The following ADGRB3 variants were observed in gnomAD, a reference collection of about 807,000 sequenced individuals.
ADGRB3 encodes the protein adhesion G protein-coupled receptor B3.
In ADGRB3, 37 loss-of-function variants were observed where a neutral mutation model predicts 193.4. The ratio of observed to expected loss-of-function variants is 0.19; its 90% confidence interval spans 0.15 to 0.25. ADGRB3 has a LOEUF of 0.25. Ranked by LOEUF, ADGRB3 falls within the 10% of genes least tolerant of loss-of-function variation. The probability of loss-of-function intolerance (pLI) is 1.00; values close to 1 mark genes in which losing one functional copy is unlikely to be tolerated. For missense variants in ADGRB3, 1,637 were observed against 1,852.9 expected (o/e 0.88, Z 2.14); for synonymous variants, 690 against 644.2 (o/e 1.07, Z -1.08).
At chr6:69,007,832 G>A (rs999491664) in intron 11 of ADGRB3, among the ~76,000 whole-genome samples, 1 of 151,958 alleles carries the variant, frequency 6.6e-6, no homozygotes, top group African/African-American at 2.4e-5. Context: ...TGGTTAATTG[G>A]TAACGAATAA....
At chr6:69,263,076 G>T (rs1222081901) in intron 20 of ADGRB3, among the ~76,000 whole-genome samples, 2 of 152,064 alleles carry the variant, frequency 1.3e-5, no homozygotes, top group East Asian at 3.9e-4. Context: ...TTACCTGTAG[G>T]TATAATTTAT....
chr6:69,240,618 TA>T (rs1330794929), intron 20 of ADGRB3, among the ~76,000 whole-genome samples: 1 of 150,480 alleles, frequency 6.6e-6, no homozygotes, highest in Non-Finnish European at 1.5e-5. Context: ...ACCAACAGAA[TA>T]AAAAATGAGG....
At chr6:68,996,963 A>G (rs1326283625) in intron 11 of ADGRB3, among the ~76,000 whole-genome samples, 2 of 152,194 alleles carry the variant, frequency 1.3e-5, no homozygotes, top group Admixed American at 6.5e-5. Flanking sequence ...TCCTTTTTCC[A>G]GTAGAAAATG....
chr6:69,137,699 AG>A lies in ADGRB3; in HGVS notation c.2480+61663del, dbSNP rs1254012447. ...GTAGTCCCAGCTACTCGAGAGGCTG[AG>A]GTAGGAGAATCACTTGAACCCGGGA... On this transcript the variant is annotated intron_variant, in intron 17 of 31. Coordinates refer to ENST00000370598, the MANE Select transcript of ADGRB3 (RefSeq NM_001704.3). Among the ~76,000 whole-genome samples the A allele has an allele frequency of 2.0e-5, 3 of 152,254 alleles. No homozygotes were observed. In the East Asian group the frequency reaches 5.8e-4, roughly 29 times the overall value.
chr6:69,184,330 T>C (rs1055434488), intron 17 of ADGRB3, among the ~76,000 whole-genome samples: 2 of 152,134 alleles, frequency 1.3e-5, no homozygotes, highest in Non-Finnish European at 2.9e-5. Context: ...TTTTCTCATA[T>C]GACTTGAGAA....
chr6:69,377,528 A>C (rs114490747), intron 30 of ADGRB3, among the ~76,000 whole-genome samples: 2,644 of 152,148 alleles, frequency 0.017, 32 homozygotes, highest in Non-Finnish European at 0.026. Flanking sequence ...AAAGAAGAAG[A>C]ACCACAGGTT....
At chr6:68,658,549 A>G in intron 3 of ADGRB3, among the ~76,000 whole-genome samples, 1 of 151,212 alleles carries the variant, frequency 6.6e-6, no homozygotes, top group East Asian at 1.9e-4. Flanking sequence ...CATCTCTCCC[A>G]GGAAACCTCC....
At chr6:68,709,235 G>A (rs565844891) in intron 3 of ADGRB3, among the ~76,000 whole-genome samples, 5 of 152,216 alleles carry the variant, frequency 3.3e-5, no homozygotes, top group South Asian at 2.1e-4. Flanking sequence ...ATTTAATAGC[G>A]AATAGCTTTT....
intron 20 of ADGRB3, among the ~76,000 whole-genome samples, chr6:69,259,831 T>G (rs1236082879): frequency 6.6e-6 from 1 of 152,094 alleles, no homozygotes; most frequent in Non-Finnish European, 1.5e-5. Flanking sequence ...ATAAAGACAT[T>G]GGATATATCA....
At chr6:69,142,658 T>A (rs1279817766) in intron 17 of ADGRB3, among the ~76,000 whole-genome samples, 1 of 152,184 alleles carries the variant, frequency 6.6e-6, no homozygotes, top group Non-Finnish European at 1.5e-5. Flanking sequence ...ATCCTTTTAA[T>A]ACATGGGCAA....
chr6:69,323,298 C>A (rs1465059747), intron 20 of ADGRB3, among the ~76,000 whole-genome samples: 1 of 151,868 alleles, frequency 6.6e-6, no homozygotes, highest in Non-Finnish European at 1.5e-5. Context: ...CTTTGGATAG[C>A]AAGTGGAAGA....
chr6:69,194,483 G>A (rs1160202044), intron 17 of ADGRB3, among the ~76,000 whole-genome samples: 1 of 152,148 alleles, frequency 6.6e-6, no homozygotes, highest in Non-Finnish European at 1.5e-5. Flanking sequence ...AGCAGCTTAA[G>A]ATAAAAAGGT....
chr6:69,193,661 T>C (rs1765243226), intron 17 of ADGRB3, among the ~76,000 whole-genome samples: 1 of 152,072 alleles, frequency 6.6e-6, no homozygotes, highest in Admixed American at 6.6e-5. Flanking sequence ...AACACCTGGG[T>C]TCTATCACTA....
intron 17 of ADGRB3, among the ~76,000 whole-genome samples, chr6:69,102,683 C>T (rs1773099024): frequency 6.6e-6 from 1 of 152,166 alleles, no homozygotes. Flanking sequence ...AATAGAGCAT[C>T]AGTAATTTTA....
chr6:68,679,231 T>G (rs1764835344), intron 3 of ADGRB3, among the ~76,000 whole-genome samples: 1 of 152,192 alleles, frequency 6.6e-6, no homozygotes, highest in South Asian at 2.1e-4. Context: ...AACCCCAAAC[T>G]GAACACAATA....
At chr6:69,068,060 C>T (rs182619526) in intron 16 of ADGRB3, among the ~76,000 whole-genome samples, 51 of 152,152 alleles carry the variant, frequency 3.4e-4, no homozygotes, top group Non-Finnish European at 5.7e-4. Flanking sequence ...CAATATGAAC[C>T]GATAGGTGTG....
At chr6:68,807,318 G>A (rs1485657867) in intron 3 of ADGRB3, among the ~76,000 whole-genome samples, 1 of 139,650 alleles carries the variant, frequency 7.2e-6, no homozygotes, top group Non-Finnish European at 1.5e-5. Context: ...GCTCACTGCA[G>A]GCTCCGCCCC....
chr6:69,172,606 T>TGCAC (rs1176255887), intron 17 of ADGRB3, among the ~76,000 whole-genome samples: 1 of 117,052 alleles, frequency 8.5e-6, no homozygotes, highest in Non-Finnish European at 1.6e-5. Flanking sequence ...ATTGCGCCAC[T>TGCAC]GCACTCCAGC....
chr6:69,206,593 C>G (rs113196059), intron 17 of ADGRB3, among the ~76,000 whole-genome samples: 1,892 of 152,142 alleles, frequency 0.012, 46 homozygotes, highest in African/African-American at 0.041. Context: ...CAGAAACGCA[C>G]CAATCCCCAA....
Sources: gnomAD v4.1 joint callset for allele counts (sites outside exome capture counted in the v4.1 genomes callset) on GRCh38, gnomAD v4.1.1 for gene constraint, MANE v1.5 for transcripts, NCBI Gene and HGNC (gene_info 2026-07-23, HGNC 2026-07-21) for gene names.